The following TTLL5 variants were observed in gnomAD, a reference collection of about 807,000 sequenced individuals.
The protein encoded by TTLL5 is tubulin polyglutamylase TTLL5.
TTLL5 carries 132 observed loss-of-function variants against 168.4 expected under a neutral mutation model. The observed-to-expected ratio is 0.78, with a 90% CI of 0.68 to 0.91. TTLL5 has a LOEUF of 0.91. TTLL5 is among the 40% of genes least tolerant of loss of function. The pLI is 0.00. For missense variants in TTLL5, 1,545 were observed against 1,581.5 expected, an observed-to-expected ratio of 0.98 and a Z score of 0.39; for synonymous variants, 546 against 558.6, an observed-to-expected ratio of 0.98 and a Z score of 0.32.
intron 26 of TTLL5, among the ~76,000 whole-genome samples, chr14:75,787,808 T>A (rs1470056040): frequency 1.3e-5 from 2 of 152,144 alleles, no homozygotes; most frequent in South Asian, 4.1e-4. Flanking sequence ...TTTGTCCACA[T>A]TGCAATTAAG....
intron 21 of TTLL5, among the ~76,000 whole-genome samples, chr14:75,772,434 A>G (rs1479092399): frequency 6.6e-6 from 1 of 152,230 alleles, no homozygotes; most frequent in Non-Finnish European, 1.5e-5. Flanking sequence ...AGGCCCTGTC[A>G]GAATATACCA....
At chr14:75,706,941 T>G (rs950279526) in intron 7 of TTLL5, 77 bp from the exon 8 acceptor site, 2 of 1,276,378 alleles carry the variant, frequency 1.6e-6, no homozygotes, top group African/African-American at 3.0e-5. Context: ...CTTTAAAGGT[T>G]AAGAACTTTG....
intron 3 of TTLL5, among the ~76,000 whole-genome samples, chr14:75,674,279 G>A (rs1354387548): frequency 1.3e-5 from 2 of 152,138 alleles, no homozygotes; most frequent in African/African-American, 2.4e-5. Flanking sequence ...AGAACAATTT[G>A]AATGACTTTT....
intron 28 of TTLL5, among the ~76,000 whole-genome samples, chr14:75,859,905 G>A (rs1281390603): frequency 6.6e-6 from 1 of 152,184 alleles, no homozygotes; most frequent in Non-Finnish European, 1.5e-5. Context: ...CATGGGCTGA[G>A]TGACACCCAC....
At chr14:75,924,731 T>G (rs888853136) in intron 31 of TTLL5, among the ~76,000 whole-genome samples, 1 of 151,948 alleles carries the variant, frequency 6.6e-6, no homozygotes, top group African/African-American at 2.4e-5. Flanking sequence ...CTTTTCCCCA[T>G]CCTTCCCCCC....
chr14:75,813,858 ACTATCTCCTGT>A (rs1894218963), intron 27 of TTLL5, among the ~76,000 whole-genome samples: 1 of 151,926 alleles, frequency 6.6e-6, no homozygotes, highest in Non-Finnish European at 1.5e-5. Context: ...TAGGTTTTCA[ACTATCTCCTGT>A]CTGTTTTCCA....
At chr14:75,749,010 T>C (rs1039081007) in intron 17 of TTLL5, among the ~76,000 whole-genome samples, 1 of 152,208 alleles carries the variant, frequency 6.6e-6, no homozygotes, top group Non-Finnish European at 1.5e-5. Flanking sequence ...CTGCTTGTTT[T>C]GAAAACCTAG....
chr14:75,693,352 A>G (rs188055130), intron 6 of TTLL5, among the ~76,000 whole-genome samples: 2 of 152,206 alleles, frequency 1.3e-5, no homozygotes, highest in African/African-American at 4.8e-5. Context: ...AGGATTGGAC[A>G]TGAGGATTGC....
intron 31 of TTLL5, among the ~76,000 whole-genome samples, chr14:75,925,185 G>A (rs1205425319): frequency 6.7e-6 from 1 of 148,240 alleles, no homozygotes; most frequent in Admixed American, 6.6e-5. Flanking sequence ...CCTGGCGGGG[G>A]CTGACCCCCC....
chr14:75,745,342 T>G (rs1889538488), intron 16 of TTLL5, 134 bp downstream of exon 16: 1 of 1,198,934 alleles, frequency 8.3e-7, no homozygotes, highest in Non-Finnish European at 1.2e-6. Flanking sequence ...GAGAAATGTT[T>G]TCTCAGGGAA....
chr14:75,784,471 A>G (rs1892253210), intron 26 of TTLL5, among the ~76,000 whole-genome samples: 1 of 152,208 alleles, frequency 6.6e-6, no homozygotes, highest in Non-Finnish European at 1.5e-5. Flanking sequence ...GATATACCAC[A>G]ATTTGTTTAG....
chr14:75,911,815 T>G (rs1227917462), intron 31 of TTLL5, among the ~76,000 whole-genome samples: 7 of 152,252 alleles, frequency 4.6e-5, no homozygotes, highest in Admixed American at 4.6e-4. Context: ...CCTTCTGTTT[T>G]ATATTTATTC....
At chr14:75,870,027 G>A (rs1409856292) in intron 29 of TTLL5, among the ~76,000 whole-genome samples, 1 of 151,738 alleles carries the variant, frequency 6.6e-6, no homozygotes, top group Non-Finnish European at 1.5e-5. Context: ...CACCATAGTG[G>A]TGAGGACGGT....
intron 31 of TTLL5, among the ~76,000 whole-genome samples, chr14:75,949,814 C>G (rs1190035080): frequency 6.6e-6 from 1 of 150,960 alleles, no homozygotes; most frequent in Non-Finnish European, 1.5e-5. Context: ...CACACCGCTG[C>G]ACTCCAGCCT....
At chr14:75,852,352 C>T (rs1375604888) in intron 28 of TTLL5, among the ~76,000 whole-genome samples, 1 of 152,184 alleles carries the variant, frequency 6.6e-6, no homozygotes, top group Non-Finnish European at 1.5e-5. Context: ...TTTCTTTAAT[C>T]CTTTCCCAGG....
intron 27 of TTLL5, among the ~76,000 whole-genome samples, chr14:75,814,919 T>A (rs1595086903): frequency 6.6e-6 from 1 of 152,172 alleles, no homozygotes; most frequent in African/African-American, 2.4e-5. Context: ...TGGCTAGGGG[T>A]TACTGTATTG....
chr14:75,949,377 TTA>T (rs935614423), intron 31 of TTLL5, among the ~76,000 whole-genome samples: 2 of 130,198 alleles, frequency 1.5e-5, no homozygotes, highest in Non-Finnish European at 1.6e-5. Context: ...TTATATAAGG[TTA>T]TATATATATA....
chr14:75,745,593 A>G lies in TTLL5; in HGVS notation c.1487+12A>G, dbSNP rs1889556003. ...TGGGAAATATATGGGTGAGGTGACT[A>G]CCTTTTTTTTTTATTCTTTACCTGA... On this transcript the variant is annotated intron_variant, in intron 17 of 31. Transcript: ENST00000298832. 3 of 1,599,006 alleles carry G rather than the reference A, an allele frequency of 1.9e-6. No individual in the cohort carries two copies. The highest frequency in any genetic ancestry group is 2.6e-6 in the Non-Finnish European group (3 of 1,173,448).
At chr14:75,698,153 G>A (rs1886001489) in intron 6 of TTLL5, among the ~76,000 whole-genome samples, 1 of 152,324 alleles carries the variant, frequency 6.6e-6, no homozygotes, top group South Asian at 2.1e-4. Context: ...GTGAGAATCA[G>A]CAGCACTGAG....
Sources: allele counts gnomAD v4.1 joint callset (sites outside exome capture counted in the v4.1 genomes callset), GRCh38; gene constraint gnomAD v4.1.1; transcripts MANE v1.5; gene names NCBI Gene and HGNC (gene_info 2026-07-23, HGNC 2026-07-21).